The following HFM1 variants were observed in gnomAD, a reference collection of about 807,000 sequenced individuals.
HFM1 encodes helicase for meiosis 1.
In HFM1, 169 loss-of-function variants were observed where a neutral mutation model predicts 192.1. That is an observed-to-expected ratio of 0.88 (90% CI 0.78 to 1.00). HFM1 has a LOEUF of 1.00. Among genes scored for constraint, HFM1 ranks in the 50% least tolerant of loss-of-function variants. The pLI is 0.00. For synonymous variants in HFM1, 525 were observed against 537.8 expected (o/e 0.98, Z 0.33); for missense variants, 1,661 against 1,668.0 (o/e 1.00, Z 0.07).
intron 35 of HFM1, among the ~76,000 whole-genome samples, chr1:91,266,554 A>G (rs1231888614): frequency 6.6e-6 from 1 of 152,168 alleles, no homozygotes; most frequent in Non-Finnish European, 1.5e-5. Context: ...CACTCTCGTT[A>G]TTTATGTACT....
At chr1:91,323,471 T>A (rs1319249792) in intron 21 of HFM1, among the ~76,000 whole-genome samples, 1 of 152,178 alleles carries the variant, frequency 6.6e-6, no homozygotes, top group Non-Finnish European at 1.5e-5. Flanking sequence ...AGATAGAATT[T>A]AAAATATCTA....
At position 91,337,412 on chromosome 1, in the gene HFM1, A is replaced by G. The variant is rs114498432; in HGVS notation, c.2335+6018T>C. Among the ~76,000 whole-genome samples, 879 of 152,338 alleles carry G rather than the reference A, an allele frequency of 5.8e-3. 6 individuals are homozygous for G. Among genetic ancestry groups the G allele is most frequent in the Non-Finnish European group, 0.01 (703 of 68,030 alleles). ...AGGAACATACAAACTAAAAACTGAT[A>G]TACAAAAAATAAACTCAAAGAGACA... On this transcript the variant is annotated intron_variant, in intron 20 of 38. Coordinates refer to ENST00000370425, the MANE Select transcript of HFM1 (RefSeq NM_001017975.6).
intron 21 of HFM1, 131 bp downstream of exon 21, chr1:91,324,542 GAT>G (rs1652595790): frequency 7.4e-5 from 44 of 598,234 alleles, no homozygotes; most frequent in South Asian, 7.1e-4. Context: ...TATACCAGAG[GAT>G]ATATCTTAGA....
In HFM1 at chr1:91,319,378, A is replaced by T. The variant is rs1651740967; in HGVS notation, c.2595T>A (p.Ala865=). The T allele has an allele frequency of 1.2e-6, 2 of 1,610,082 alleles. No homozygotes were observed. The highest frequency in any genetic ancestry group is 2.7e-5 in the African/African-American group (2 of 74,850). The part of the protein sequence containing the change: ...REMKVNCLIQ[A]QLGCIPIQDF... ...CTTGTATGGGAATGCATCCTAGTTG[A>T]GCCTGAATAAGACTGGGGGAAAGAA... The change falls in exon 24 of 39, where the codon GCT becomes GCA. Residue 865 remains alanine (A), a synonymous_variant. Transcript: ENST00000370425.
At chr1:91,360,851 G>A (rs1175016643) in intron 13 of HFM1, among the ~76,000 whole-genome samples, 2 of 152,146 alleles carry the variant, frequency 1.3e-5, no homozygotes, top group Admixed American at 1.3e-4. Context: ...CAGTCTCTCA[G>A]ACCAGAGCAC....
chr1:91,290,831 C>T (rs1259830954), intron 30 of HFM1, among the ~76,000 whole-genome samples: 1 of 152,016 alleles, frequency 6.6e-6, no homozygotes, highest in African/African-American at 2.4e-5. Flanking sequence ...TGTAAAAGAA[C>T]AGAAATTATA....
rs78527818 is a variant in HFM1, at chr1:91,267,459, T to G, written c.3883+286A>C. 4.1e-3 allele frequency among the ~76,000 whole-genome samples: 625 copies of G among 152,226 alleles called. 6 individuals are homozygous for G. The highest frequency in any genetic ancestry group is 0.014 in the African/African-American group (582 of 41,560). ...GTCTGTTTCATGAGAGAAAATTGAATAAACAATTTGAATTTGACTTTTACA... is the reference window on the plus strand; with the variant it reads ...GTCTGTTTCATGAGAGAAAATTGAAGAAACAATTTGAATTTGACTTTTACA... On this transcript the variant is annotated intron_variant, in intron 35 of 38. Transcript: ENST00000370425.
Position 91,385,177 on chromosome 1 carries a change from TA to T in HFM1, c.802+9del. The T allele has an allele frequency of 6.7e-7, 1 of 1,484,254 alleles. No homozygotes were observed. The highest frequency in any genetic ancestry group is 9.3e-7 in the Non-Finnish European group (1 of 1,070,250). The allele number at this position is 1,484,254 out of a possible 1,614,324, so 91.9% of individuals were successfully genotyped here. On this transcript the variant is annotated intron_variant, in intron 6 of 38. Transcript: ENST00000370425. ...TACAAAGCAGCTATTGTAAATAACT[TA>T]AAGGATACGAATTTCTGTGACAGCC...
rs201905613 is a variant in HFM1, at chr1:91,347,423, T to C, written c.2254+6A>G. On this transcript the variant is annotated splice_donor_region_variant and intron_variant, in intron 19 of 38. Coordinates refer to ENST00000370425, the MANE Select transcript of HFM1 (RefSeq NM_001017975.6). ...AATCTAATTTTTAGAATGAAATGCA[T>C]CTAACCTTGTAATTTTGCTTCAATT... 44 of 1,551,672 alleles carry C rather than the reference T, an allele frequency of 2.8e-5. No individual in the cohort carries two copies. In the African/African-American group the frequency reaches 5.7e-4, roughly 20 times the overall value.
chr1:91,372,928 T>C (rs1253156418), intron 13 of HFM1, among the ~76,000 whole-genome samples: 1 of 152,144 alleles, frequency 6.6e-6, no homozygotes, highest in African/African-American at 2.4e-5. Context: ...CTCTACTGTT[T>C]CTTATTGCTT....
At chr1:91,329,137 A>AGAGCATCG in intron 20 of HFM1, 1 of 1,609,920 alleles carries the variant, frequency 6.2e-7, no homozygotes, top group Non-Finnish European at 8.5e-7. Context: ...CAGAAGCACA[A>AGAGCATCG]GAGCATCGAG....
At chr1:91,340,008 A>G (rs1273773170) in intron 20 of HFM1, among the ~76,000 whole-genome samples, 1 of 152,124 alleles carries the variant, frequency 6.6e-6, no homozygotes, top group Non-Finnish European at 1.5e-5. Context: ...TTGGGGGCCT[A>G]TATTAAGCAT....
At chr1:91,277,231 A>C (rs74788239) in intron 30 of HFM1, among the ~76,000 whole-genome samples, 169 bp from the exon 31 acceptor site, 1 of 151,114 alleles carries the variant, frequency 6.6e-6, no homozygotes, top group Non-Finnish European at 1.5e-5. Flanking sequence ...TAATAAAGAG[A>C]TAGGGTCTTG....
intron 13 of HFM1, among the ~76,000 whole-genome samples, chr1:91,368,295 T>C (rs943798578): frequency 6.6e-6 from 1 of 152,110 alleles, no homozygotes; most frequent in African/African-American, 2.4e-5. Flanking sequence ...CACATAATTG[T>C]CAGATTCACC....
At chr1:91,397,555 C>G (rs1321685735) in intron 2 of HFM1, among the ~76,000 whole-genome samples, 1 of 152,180 alleles carries the variant, frequency 6.6e-6, no homozygotes, top group Non-Finnish European at 1.5e-5. Context: ...TCTCTCCGAG[C>G]ACCTAGCACA....
At chr1:91,308,225 A>G (rs763515248) in intron 30 of HFM1, among the ~76,000 whole-genome samples, 5 of 152,156 alleles carry the variant, frequency 3.3e-5, no homozygotes, top group Non-Finnish European at 5.9e-5. Context: ...GACTTTAATT[A>G]TGCATATGTT....
chr1:91,384,797 G>A (rs570395129), intron 6 of HFM1, among the ~76,000 whole-genome samples: 2 of 148,542 alleles, frequency 1.3e-5, no homozygotes, highest in Non-Finnish European at 3.0e-5. Flanking sequence ...ATGCTAGAAT[G>A]CAATGGCACA....
At chr1:91,366,335 G>C (rs1044868361) in intron 13 of HFM1, among the ~76,000 whole-genome samples, 1 of 152,070 alleles carries the variant, frequency 6.6e-6, no homozygotes, top group Non-Finnish European at 1.5e-5. Context: ...AAAGAATTCC[G>C]TAAGTCTCTC....
intron 30 of HFM1, among the ~76,000 whole-genome samples, chr1:91,301,079 C>A (rs1289071871): frequency 3.9e-5 from 6 of 152,284 alleles, no homozygotes; most frequent in African/African-American, 1.2e-4. Flanking sequence ...TAGGCAACCT[C>A]AGCAAAGTCT....
Sources: allele counts gnomAD v4.1 joint callset (sites outside exome capture counted in the v4.1 genomes callset), GRCh38; gene constraint gnomAD v4.1.1; transcripts MANE v1.5; gene names NCBI Gene and HGNC (gene_info 2026-07-23, HGNC 2026-07-21).